The following PRKCI variants were observed in gnomAD, a reference collection of about 807,000 sequenced individuals.
The protein encoded by PRKCI is protein kinase C iota.
Under a neutral mutation model 84.0 loss-of-function variants are expected in PRKCI, and 43 were observed. That is an observed-to-expected ratio of 0.51 (90% CI 0.40 to 0.66). The LOEUF (loss-of-function observed/expected upper bound fraction) is 0.66. Among genes scored for constraint, PRKCI ranks in the 30% least tolerant of loss-of-function variants. PRKCI has a pLI of 0.00. For missense variants in PRKCI, 459 were observed against 745.6 expected, an observed-to-expected ratio of 0.62 and a Z score of 4.48; for synonymous variants, 216 against 234.4, an observed-to-expected ratio of 0.92 and a Z score of 0.72.
chr3:170,279,634 G>C (rs1460399105), intron 8 of PRKCI, among the ~76,000 whole-genome samples: 1 of 152,146 alleles, frequency 6.6e-6, no homozygotes, highest in South Asian at 2.1e-4. Context: ...TTGGTATTCT[G>C]TGGAAAAGAA....
intron 2 of PRKCI, among the ~76,000 whole-genome samples, chr3:170,242,962 C>T (rs145578902): frequency 0.016 from 2,389 of 151,890 alleles, 42 homozygotes; most frequent in East Asian, 0.085. Flanking sequence ...TGAGCCACTG[C>T]GCCCGGCCTC....
In PRKCI at chr3:170,270,467, G is replaced by A. The variant is rs1030581930; in HGVS notation, c.497G>A (p.Arg166His). 8.7e-6 allele frequency: 14 copies of A among 1,613,324 alleles called. No individual in the cohort carries two copies. Among genetic ancestry groups the A allele is most frequent in the Non-Finnish European group, 1.2e-5 (14 of 1,179,766 alleles). Reference protein sequence around the residue: ...ICTDRIWGLGRQGYKCINCKL... With the variant: ...ICTDRIWGLGHQGYKCINCKL... ...ACAGACCGAATATGGGGACTTGGAC[G>A]CCAAGGATATAAGTGCATCAACTGC... Residue 166 changes from arginine to histidine, a missense_variant, in exon 6 of 18, where the codon CGC becomes CAC. Physicochemically the swap from Arg to His is conservative, Grantham distance 29 (BLOSUM62 0). Coordinates refer to ENST00000295797, the MANE Select transcript of PRKCI (RefSeq NM_002740.6).
intron 2 of PRKCI, among the ~76,000 whole-genome samples, chr3:170,259,102 C>A (rs1262781393): frequency 6.6e-6 from 1 of 151,952 alleles, no homozygotes; most frequent in Non-Finnish European, 1.5e-5. Context: ...CAAGATAACA[C>A]CATTGCACTC....
chr3:170,295,721 T>G (rs909059037), intron 14 of PRKCI, among the ~76,000 whole-genome samples, 190 bp from the exon 15 acceptor site: 1 of 150,384 alleles, frequency 6.6e-6, no homozygotes, highest in African/African-American at 2.4e-5. Context: ...TGGTGGCGCC[T>G]GTGGTCCCAG....
At position 170,282,872 on chromosome 3, in the gene PRKCI, C is replaced by T. The variant is rs138844436; in HGVS notation, c.1067+904C>T. On this transcript the variant is annotated intron_variant, in intron 11 of 17. Coordinates refer to ENST00000295797, the MANE Select transcript of PRKCI (RefSeq NM_002740.6). Reference sequence around the variant, plus strand: ...CTGTAATCCCAGCACTTTGGGAGGCCGAGGCGGGTGGATCATGAGGTCAAG... The same window carrying T: ...CTGTAATCCCAGCACTTTGGGAGGCTGAGGCGGGTGGATCATGAGGTCAAG... Among the ~76,000 whole-genome samples, 1,129 of 151,000 alleles carry T rather than the reference C, an allele frequency of 7.5e-3. 13 individuals carry two copies. The highest frequency in any genetic ancestry group is 0.026 in the African/African-American group (1,073 of 41,196).
intron 6 of PRKCI, among the ~76,000 whole-genome samples, chr3:170,272,356 A>T (rs1734025090): frequency 6.6e-6 from 1 of 152,204 alleles, no homozygotes; most frequent in Non-Finnish European, 1.5e-5. Flanking sequence ...ATGTTTATTC[A>T]TGGGACTTGC....
intron 4 of PRKCI, among the ~76,000 whole-genome samples, chr3:170,264,215 T>C (rs1733804348): frequency 6.6e-6 from 1 of 151,326 alleles, no homozygotes; most frequent in African/African-American, 2.5e-5. Context: ...ACTCAGCACA[T>C]GTAATTAGGA....
rs561752597 is a variant in PRKCI, at chr3:170,304,484, A to G, written c.*1357A>G. 3.3e-4 allele frequency: 51 copies of G among 152,286 alleles called. No homozygotes were observed. The highest frequency in any genetic ancestry group is 6.3e-4 in the Non-Finnish European group (43 of 68,032). The allele number at this position is 152,286 out of a possible 1,614,324, so 9.4% of individuals were successfully genotyped here. A position where few individuals can be genotyped will look rare whatever the true frequency, so the allele number is the denominator to read the frequency against. On this transcript the variant is annotated 3_prime_UTR_variant, in exon 18 of 18. Coordinates refer to ENST00000295797, the MANE Select transcript of PRKCI (RefSeq NM_002740.6). ...TTAATTATGCTCATTTCTTCCCCTA[A>G]ACCACATTATCTATATGATTGGACC... is the stretch of plus-strand genomic sequence containing the variant.
intron 8 of PRKCI, among the ~76,000 whole-genome samples, chr3:170,279,345 T>G (rs1224415961): frequency 6.6e-6 from 1 of 152,250 alleles, no homozygotes; most frequent in Non-Finnish European, 1.5e-5. Flanking sequence ...TTATTATTTC[T>G]AAGTTTTTAA....
In PRKCI at chr3:170,238,294, C is replaced by T. The variant is rs1235674457; in HGVS notation, c.223+2943C>T. ...AGGAGAATCACTTGAACCTGGGAGA[C>T]GGAGGTTACAGTGAGCTGAGATTGT... is the stretch of plus-strand genomic sequence containing the variant. On this transcript the variant is annotated intron_variant, in intron 2 of 17. Transcript: ENST00000295797. Among the ~76,000 whole-genome samples, 5 of 75,692 alleles carry T rather than the reference C, an allele frequency of 6.6e-5. No individual in the cohort carries two copies. The South Asian group carries it at 1.4e-3, about 21-fold the overall frequency. 49.7% of individuals were successfully genotyped at this position (75,692 alleles called of 152,430 possible). A position where few individuals can be genotyped will look rare whatever the true frequency, so the allele number is the denominator to read the frequency against.
At chr3:170,285,165 C>T (rs1226171148) in intron 12 of PRKCI, among the ~76,000 whole-genome samples, 8 of 151,496 alleles carry the variant, frequency 5.3e-5, no homozygotes, top group South Asian at 2.1e-4. Context: ...GTGCCAGCTC[C>T]GCCTCCCGGG....
chr3:170,267,784 G>T, intron 4 of PRKCI, 131 bp from the exon 5 acceptor site: 2 of 482,182 alleles, frequency 4.1e-6, no homozygotes, highest in East Asian at 3.8e-5. Context: ...TTTATTTTTT[G>T]ACGTTCAGGT....
At chr3:170,249,247 G>A (rs1289644468) in intron 2 of PRKCI, among the ~76,000 whole-genome samples, 1 of 152,204 alleles carries the variant, frequency 6.6e-6, no homozygotes, top group Non-Finnish European at 1.5e-5. Flanking sequence ...TATTTGATTT[G>A]GTTCAATCTT....
intron 2 of PRKCI, among the ~76,000 whole-genome samples, chr3:170,235,908 G>A (rs564617254): frequency 7.9e-5 from 12 of 151,698 alleles, no homozygotes; most frequent in African/African-American, 2.7e-4. Context: ...TCATCAAATA[G>A]TGTGATGTTT....
intron 2 of PRKCI, among the ~76,000 whole-genome samples, chr3:170,250,084 T>G (rs13083590): frequency 6.6e-6 from 1 of 151,718 alleles, no homozygotes; most frequent in Non-Finnish European, 1.5e-5. Context: ...GAGACCAGCC[T>G]GGCCTCTGTC....
intron 12 of PRKCI, among the ~76,000 whole-genome samples, chr3:170,285,830 C>G (rs1232400589): frequency 6.6e-6 from 1 of 151,806 alleles, no homozygotes; most frequent in African/African-American, 2.4e-5. Context: ...CTGCAACCTC[C>G]GCCTCCTGGA....
At chr3:170,225,856 A>G (rs1341478930) in intron 1 of PRKCI, among the ~76,000 whole-genome samples, 1 of 151,936 alleles carries the variant, frequency 6.6e-6, no homozygotes, top group Non-Finnish European at 1.5e-5. Flanking sequence ...GAAAACGTGT[A>G]ATCTCTCTAG....
chr3:170,281,731 C>A, intron 10 of PRKCI, 151 bp from the exon 11 acceptor site: 2 of 981,182 alleles, frequency 2.0e-6, no homozygotes, highest in Non-Finnish European at 2.8e-6. Context: ...ATGTTCCGTA[C>A]CCTAGATACC....
At chr3:170,234,110 C>T (rs1429011283) in intron 1 of PRKCI, among the ~76,000 whole-genome samples, 1 of 144,696 alleles carries the variant, frequency 6.9e-6, no homozygotes, top group Non-Finnish European at 1.5e-5. Flanking sequence ...TGGTTCACTG[C>T]AATCTCCGCC....
Sources: allele counts gnomAD v4.1 joint callset (sites outside exome capture counted in the v4.1 genomes callset), GRCh38; gene constraint gnomAD v4.1.1; transcripts MANE v1.5; gene names NCBI Gene and HGNC (gene_info 2026-07-23, HGNC 2026-07-21).